TEX15: variants seen among roughly 807,000 people sequenced by gnomAD.
TEX15 encodes the protein testis expressed 15, meiosis and synapsis associated.
A neutral mutation model predicts 237.3 loss-of-function variants in TEX15; 171 were observed. The observed-to-expected ratio is 0.72, with a 90% CI of 0.64 to 0.82. TEX15 has a LOEUF of 0.82. Among genes scored for constraint, TEX15 ranks in the 40% least tolerant of loss-of-function variants. The pLI, the probability that TEX15 is intolerant of heterozygous loss-of-function variation, is 0.00. For synonymous variants in TEX15, 1,338 were observed against 1,269.8 expected, an observed-to-expected ratio of 1.05 and a Z score of -1.14; for missense variants, 3,750 against 3,646.5, an observed-to-expected ratio of 1.03 and a Z score of -0.73.
At chr8:30,911,294 T>C (rs569662234) in intron 1 of TEX15, among the ~76,000 whole-genome samples, 7 of 152,298 alleles carry the variant, frequency 4.6e-5, no homozygotes, top group Admixed American at 2.0e-4. Context: ...AATTTTCGTA[T>C]TTTTTGTATT....
intron 3 of TEX15, among the ~76,000 whole-genome samples, chr8:30,878,079 G>A (rs1374602011): frequency 6.8e-6 from 1 of 147,654 alleles, no homozygotes; most frequent in Non-Finnish European, 1.5e-5. Context: ...TTTGTAGTAT[G>A]AGACCTGTAA....
intron 10 of TEX15, 117 bp downstream of exon 10, chr8:30,836,686 G>T: frequency 1.0e-6 from 1 of 955,438 alleles, no homozygotes; most frequent in Non-Finnish European, 1.6e-6. Context: ...AATCTGTACA[G>T]AAAAATGACT....
intron 7 of TEX15, 69 bp from the exon 8 acceptor site, chr8:30,849,385 A>G (rs563181059): frequency 3.6e-6 from 3 of 825,778 alleles, no homozygotes; most frequent in East Asian, 2.7e-5. Flanking sequence ...ATACAGGTAC[A>G]TTGTGTCCAG....
rs935969049 is a variant in TEX15, at chr8:30,911,763, C to T, written c.-86+1116G>A. ...GCACTGTCTCCCGACACAGCCAGCGCGGTGGCCATGCGCCTCAAACCGAGC... is the reference window on the plus strand; with the variant it reads ...GCACTGTCTCCCGACACAGCCAGCGTGGTGGCCATGCGCCTCAAACCGAGC... On this transcript the variant is annotated intron_variant, in intron 1 of 10. Coordinates refer to ENST00000643185, the MANE Select transcript of TEX15 (RefSeq NM_001350162.2). 1.4e-4 allele frequency among the ~76,000 whole-genome samples: 22 copies of T among 152,196 alleles called. 1 individual carries two copies. The highest frequency in any genetic ancestry group is 5.9e-5 in the Non-Finnish European group (4 of 68,040).
chr8:30,833,444 T>C (rs1321780719), intron 10 of TEX15, 121 bp from the exon 11 acceptor site: 1 of 675,738 alleles, frequency 1.5e-6, no homozygotes, highest in Non-Finnish European at 2.4e-6. Context: ...TTATTTGCCC[T>C]TAAGTAGCCA....
At chr8:30,853,934 T>C (rs1807843278) in intron 7 of TEX15, among the ~76,000 whole-genome samples, 1 of 151,950 alleles carries the variant, frequency 6.6e-6, no homozygotes, top group South Asian at 2.1e-4. Context: ...TCAAAAGGAA[T>C]TTAGAAAATA....
intron 7 of TEX15, among the ~76,000 whole-genome samples, chr8:30,851,753 A>G (rs1156528569): frequency 6.6e-6 from 1 of 152,166 alleles, no homozygotes; most frequent in Non-Finnish European, 1.5e-5. Context: ...CCTGGCCAAC[A>G]TGGTGAAACC....
intron 5 of TEX15, among the ~76,000 whole-genome samples, chr8:30,865,078 T>G (rs1808132117): frequency 6.6e-6 from 1 of 151,864 alleles, no homozygotes; most frequent in African/African-American, 2.4e-5. Flanking sequence ...AACTGTTACT[T>G]AGACTAAGAA....
At chr8:30,879,268 CAA>C (rs1808469990) in intron 3 of TEX15, among the ~76,000 whole-genome samples, 1 of 152,148 alleles carries the variant, frequency 6.6e-6, no homozygotes, top group Non-Finnish European at 1.5e-5. Context: ...TTTCGCAGAG[CAA>C]AAGTTTCTGA....
intron 3 of TEX15, among the ~76,000 whole-genome samples, chr8:30,886,117 A>C (rs771706108): frequency 1.3e-4 from 20 of 152,198 alleles, no homozygotes; most frequent in Non-Finnish European, 2.8e-4. Context: ...GTGTGTGTTA[A>C]GATGAGCGAT....
chr8:30,845,801 T>A lies in TEX15; in HGVS notation c.4366A>T (p.Arg1456Ter). Residue 1456 changes from arginine (R) to a stop codon, truncating the protein, a stop_gained, in exon 8 of 11, where the codon AGA becomes TGA. Coordinates refer to ENST00000643185, the MANE Select transcript of TEX15 (RefSeq NM_001350162.2). LOFTEE classifies it high-confidence loss of function. ...FSSKRKYDKR[R>*]KKRAPKADIS... ...TCAGCTTTTGGAGCTCTTTTCTTTC[T>A]CCGTTTGTCATATTTTCTTTTTGAC... 6.2e-7 allele frequency: 1 copy of A among 1,609,710 alleles called. No individual in the cohort carries two copies. The highest frequency in any genetic ancestry group is 8.5e-7 in the Non-Finnish European group (1 of 1,178,816).
intron 2 of TEX15, among the ~76,000 whole-genome samples, chr8:30,889,702 T>C (rs758947256): frequency 6.6e-6 from 1 of 151,984 alleles, no homozygotes; most frequent in African/African-American, 2.4e-5. Flanking sequence ...ACCTTTTAAG[T>C]AGGAATAACG....
At position 30,881,610 on chromosome 8, in the gene TEX15, C is replaced by CTT. The variant is rs1164594718; in HGVS notation, c.136+5555_136+5556dup. ...TTCATTAATTATCCTTCCATCTTGA[C>CTT]TTTTTATTTTTTTTTATTATTTTTT... On this transcript the variant is annotated intron_variant, in intron 3 of 10. Coordinates refer to ENST00000643185, the MANE Select transcript of TEX15 (RefSeq NM_001350162.2). 5.1e-3 allele frequency among the ~76,000 whole-genome samples: 563 copies of CTT among 109,380 alleles called. 154 individuals are homozygous for CTT. The highest frequency in any genetic ancestry group is 0.033 in the African/African-American group (503 of 15,364). 71.8% of individuals were successfully genotyped at this position (109,380 alleles called of 152,430 possible). A position where few individuals can be genotyped will look rare whatever the true frequency, so the allele number is the denominator to read the frequency against.
chr8:30,845,575 G>A lies in TEX15; in HGVS notation c.4592C>T (p.Ser1531Leu), dbSNP rs766554494. 1 of 1,613,532 alleles carries A rather than the reference G, an allele frequency of 6.2e-7. No homozygotes were observed. The highest frequency in any genetic ancestry group is 2.2e-5 in the East Asian group (1 of 44,860). Residue 1531 changes from serine to leucine, a missense_variant, in exon 8 of 11, where the codon TCA becomes TTA. By Grantham distance (145) the Ser-to-Leu change is moderately radical (BLOSUM62 -2). Transcript: ENST00000643185. Reference sequence around the variant, plus strand: ...GCTTACACTGCTATTATAATAAACTGACTGACTTGTACTTTGGGATGTGGA... The same window carrying A: ...GCTTACACTGCTATTATAATAAACTAACTGACTTGTACTTTGGGATGTGGA... ...VSSTSQSTSQ[S>L]VYYNSSVSNP...
intron 8 of TEX15, 25 bp from the exon 9 acceptor site, chr8:30,839,989 ATCT>A: frequency 6.9e-7 from 1 of 1,453,628 alleles, no homozygotes; most frequent in Non-Finnish European, 9.4e-7. Flanking sequence ...TACAAAGAAA[ATCT>A]TCATTAGTGA....
intron 2 of TEX15, among the ~76,000 whole-genome samples, chr8:30,897,086 T>C (rs929269214): frequency 6.6e-6 from 1 of 152,202 alleles, no homozygotes; most frequent in African/African-American, 2.4e-5. Flanking sequence ...CAAAATCGGG[T>C]TGAAAAAAAT....
chr8:30,862,517 G>T (rs949191749), intron 5 of TEX15, among the ~76,000 whole-genome samples: 1 of 152,126 alleles, frequency 6.6e-6, no homozygotes, highest in Admixed American at 6.5e-5. Context: ...TGTGGTTACT[G>T]CTGGGCTTTT....
At chr8:30,852,183 C>T (rs1364521468) in intron 7 of TEX15, among the ~76,000 whole-genome samples, 2 of 129,282 alleles carry the variant, frequency 1.5e-5, no homozygotes, top group Non-Finnish European at 3.1e-5. Context: ...CGGCTCACTA[C>T]AAACTCCGCC....
At chr8:30,841,930 CTACTTGTT>C in intron 8 of TEX15, 66 bp downstream of exon 8, 1 of 1,063,634 alleles carries the variant, frequency 9.4e-7, no homozygotes, top group East Asian at 2.5e-5. Context: ...ATTCTGCAAA[CTACTTGTT>C]TGCTTATGAG....
Sources: allele counts gnomAD v4.1 joint callset (sites outside exome capture counted in the v4.1 genomes callset), GRCh38; gene constraint gnomAD v4.1.1; transcripts MANE v1.5; gene names NCBI Gene and HGNC (gene_info 2026-07-23, HGNC 2026-07-21).